The following TRPA1 variants were observed in gnomAD, a reference collection of about 807,000 sequenced individuals.
The protein encoded by TRPA1 is transient receptor potential cation channel subfamily A member 1.
In TRPA1, 129 loss-of-function variants were observed where a neutral mutation model predicts 131.3. The observed-to-expected ratio is 0.98, with a 90% CI of 0.85 to 1.14. The LOEUF (loss-of-function observed/expected upper bound fraction) is 1.14. Among genes scored for constraint, TRPA1 ranks in the 50% most tolerant of loss-of-function variants. The probability of loss-of-function intolerance (pLI) is 0.00; values close to 1 mark genes in which losing one functional copy is unlikely to be tolerated. For missense variants in TRPA1, 1,304 were observed against 1,354.2 expected, an observed-to-expected ratio of 0.96 and a Z score of 0.58; for synonymous variants, 441 against 451.7, an observed-to-expected ratio of 0.98 and a Z score of 0.30.
chr8:72,036,636 C>T (rs771861529), intron 20 of TRPA1, among the ~76,000 whole-genome samples, 179 bp from the exon 21 acceptor site: 1 of 152,174 alleles, frequency 6.6e-6, no homozygotes, highest in Non-Finnish European at 1.5e-5. Flanking sequence ...GGGTATGAAT[C>T]GGTGTTGGAG....
intron 24 of TRPA1, among the ~76,000 whole-genome samples, chr8:72,026,713 A>T (rs1234014856): frequency 6.6e-6 from 1 of 152,038 alleles, no homozygotes; most frequent in Admixed American, 6.6e-5. Flanking sequence ...CTCACATTTA[A>T]TTTTTTTCAT....
At chr8:72,075,713 A>C (rs1321163225), upstream of TRPA1, 1 of 441,848 alleles carries the variant, frequency 2.3e-6, no homozygotes, top group Non-Finnish European at 4.2e-6. Context: ...TCGCCCCTTC[A>C]GGGACAAAGT....
At chr8:72,048,841 T>G (rs1029075985) in intron 15 of TRPA1, among the ~76,000 whole-genome samples, 4 of 152,234 alleles carry the variant, frequency 2.6e-5, no homozygotes, top group Non-Finnish European at 5.9e-5. Flanking sequence ...ATAATTCTTA[T>G]TAACATTTTG....
chr8:72,061,257 T>C (rs1307424475), intron 7 of TRPA1, among the ~76,000 whole-genome samples: 1 of 152,150 alleles, frequency 6.6e-6, no homozygotes, highest in Non-Finnish European at 1.5e-5. Flanking sequence ...ATGTATCTGC[T>C]CCATTTTTAT....
intron 1 of TRPA1, among the ~76,000 whole-genome samples, chr8:72,072,638 A>C (rs1806090213): frequency 6.6e-6 from 1 of 152,234 alleles, no homozygotes; most frequent in Non-Finnish European, 1.5e-5. Context: ...TCTTGCAGAA[A>C]TAGGATCTTT....
intron 23 of TRPA1, 145 bp downstream of exon 23, chr8:72,033,499 C>A: frequency 3.8e-6 from 3 of 789,792 alleles, no homozygotes; most frequent in South Asian, 1.8e-5. Flanking sequence ...TCCCCAGGCA[C>A]CAAGTGAGTG....
chr8:72,072,872 A>G (rs895177002), intron 1 of TRPA1, among the ~76,000 whole-genome samples: 10 of 152,226 alleles, frequency 6.6e-5, no homozygotes, highest in African/African-American at 2.4e-4. Context: ...ACAAGGCACT[A>G]TTGAATTCAC....
At chr8:72,079,383 G>A (rs1191928605), upstream of TRPA1, among the ~76,000 whole-genome samples, 1 of 151,688 alleles carries the variant, frequency 6.6e-6, no homozygotes, top group Non-Finnish European at 1.5e-5. Context: ...TTAATTTTTT[G>A]TTCGGGTTGT....
chr8:72,027,616 T>C (rs16937933), intron 24 of TRPA1, among the ~76,000 whole-genome samples: 30,830 of 152,132 alleles, frequency 0.2, 3,819 homozygotes, highest in Middle Eastern at 0.39. Flanking sequence ...TCTCCCAGCA[T>C]GCATTGTCCC....
In TRPA1 at chr8:72,075,308, T is replaced by C. The variant is rs1356115985; in HGVS notation, c.102A>G (p.Glu34=). Residue 34 remains glutamate, a synonymous_variant, in exon 1 of 27, where the codon GAA becomes GAG. Coordinates refer to ENST00000262209, the MANE Select transcript of TRPA1 (RefSeq NM_007332.3). The part of the protein sequence containing the change: ...DVPDDTEDFK[E]SLKVVFEGSA... The stretch of plus-strand genomic sequence containing the variant: ...CGAGCCCCCAGAGTACCTTAAGCGA[T>C]TCCTTGAAATCCTCCGTGTCGTCCG... 6.2e-7 allele frequency: 1 copy of C among 1,612,956 alleles called. No homozygotes were observed. The highest frequency in any genetic ancestry group is 1.3e-5 in the African/African-American group (1 of 74,848).
intron 7 of TRPA1, 104 bp from the exon 8 acceptor site, chr8:72,059,542 A>G: frequency 1.4e-6 from 1 of 694,970 alleles, no homozygotes; most frequent in Non-Finnish European, 2.4e-6. Flanking sequence ...AACTAATCAT[A>G]AAATAACATG....
At position 72,021,453 on chromosome 8, in the gene TRPA1, C is replaced by G. The variant is rs1811387094; in HGVS notation, c.*1453G>C. 1 of 152,032 alleles carries G rather than the reference C, an allele frequency of 6.6e-6. No homozygotes were observed. The highest frequency in any genetic ancestry group is 2.4e-5 in the African/African-American group (1 of 41,366). 9.4% of individuals were successfully genotyped at this position (152,032 alleles called of 1,614,324 possible). ...TTGCTTCTGTATAGTGATTTTCCAC[C>G]CTTTCTGTTTTAAGAAATATAAAGA... On this transcript the variant is annotated 3_prime_UTR_variant, in exon 27 of 27. Coordinates refer to ENST00000262209, the MANE Select transcript of TRPA1 (RefSeq NM_007332.3).
chr8:72,068,128 A>C (rs995381707), intron 3 of TRPA1, among the ~76,000 whole-genome samples: 13 of 152,214 alleles, frequency 8.5e-5, no homozygotes, highest in Non-Finnish European at 1.9e-4. Flanking sequence ...TGCCAGACTT[A>C]AAGGAGCCAA....
At chr8:72,088,646 G>A in the TRPA1 span, among the ~76,000 whole-genome samples, 30,724 of 152,006 alleles carry the variant, frequency 0.2, 3,784 homozygotes, top group Non-Finnish European at 0.26. Flanking sequence ...CTTTAGTTTG[G>A]TGACAACTGA....
intron 15 of TRPA1, among the ~76,000 whole-genome samples, chr8:72,048,131 T>C (rs1805395888): frequency 6.6e-6 from 1 of 152,098 alleles, no homozygotes; most frequent in Admixed American, 6.6e-5. Flanking sequence ...AGAACACTTA[T>C]GGGGTCAATA....
chr8:72,047,161 C>T lies in TRPA1; in HGVS notation c.1952G>A (p.Cys651Tyr). The T allele has an allele frequency of 6.2e-7, 1 of 1,609,396 alleles. No individual in the cohort carries two copies. The highest frequency in any genetic ancestry group is 8.5e-7 in the Non-Finnish European group (1 of 1,176,724). Residue 651 changes from cysteine (C) to tyrosine (Y), a missense_variant, in exon 16 of 27, where the codon TGC (cysteine) becomes TAC (tyrosine). Cys to Tyr is a radical substitution (Grantham distance 194). Transcript: ENST00000262209. Reference protein sequence around the residue: ...CMLHSTEDKSCRDYYIEYNFK... With the variant: ...CMLHSTEDKSYRDYYIEYNFK... ...AAATAAACTTACATAATAGTCTCGG[C>T]AGGACTTGTCTTCTGTGGAATGCAA...
In TRPA1 at chr8:72,055,740, A is replaced by G; in HGVS notation, c.1310T>C (p.Val437Ala). Residue 437 changes from valine to alanine, a missense_variant, in exon 11 of 27, where the codon GTG becomes GCG. Val to Ala is a moderately conservative substitution (Grantham distance 64, BLOSUM62 0). Transcript: ENST00000262209. ...GSVNNLLGFN[V>A]SIHSKSKDKK... Reference sequence around the variant, plus strand: ...ATCTTTGCTTTTGGAATGAATGGACACATTAAAGCCAAGTAGGTTATTTAC... The same window carrying G: ...ATCTTTGCTTTTGGAATGAATGGACGCATTAAAGCCAAGTAGGTTATTTAC... 1 of 1,613,334 alleles carries G rather than the reference A, an allele frequency of 6.2e-7. No individual in the cohort carries two copies. Among genetic ancestry groups the G allele is most frequent in the Admixed American group, 1.7e-5 (1 of 59,892 alleles).
chr8:72,048,951 ATC>A (rs1805419784), intron 15 of TRPA1, among the ~76,000 whole-genome samples: 1 of 152,218 alleles, frequency 6.6e-6, no homozygotes, highest in African/African-American at 2.4e-5. Flanking sequence ...AAAAATCTGT[ATC>A]TCTGATTATT....
intron 1 of TRPA1, among the ~76,000 whole-genome samples, chr8:72,073,892 G>A (rs890666766): frequency 1.9e-4 from 29 of 152,280 alleles, no homozygotes; most frequent in African/African-American, 6.5e-4. Context: ...ACATTAAGAA[G>A]GACAAAAAAT....
Sources: gnomAD v4.1 joint callset for allele counts (sites outside exome capture counted in the v4.1 genomes callset) on GRCh38, gnomAD v4.1.1 for gene constraint, MANE v1.5 for transcripts, NCBI Gene and HGNC (gene_info 2026-07-23, HGNC 2026-07-21) for gene names.